Variants in NPAS3 observed in about 807,000 individuals in gnomAD.
NPAS3 encodes the protein neuronal PAS domain-containing protein 3.
In NPAS3, 14 loss-of-function variants were observed where a neutral mutation model predicts 73.1. The observed-to-expected ratio is 0.19, with a 90% CI of 0.13 to 0.30. The LOEUF (loss-of-function observed/expected upper bound fraction) is 0.30, where lower values mean the gene tolerates loss of function less well. NPAS3 is among the 10% of genes least tolerant of loss of function. The pLI is 1.00. For missense variants in NPAS3, 1,096 were observed against 1,250.0 expected (o/e 0.88, Z 1.86); for synonymous variants, 620 against 541.5 (o/e 1.14, Z -2.01).
At chr14:33,264,284 A>AG (rs71433603) in intron 3 of NPAS3, among the ~76,000 whole-genome samples, 2 of 146,888 alleles carry the variant, frequency 1.4e-5, no homozygotes, top group African/African-American at 2.5e-5. Context: ...GGGTAGGGGG[A>AG]GGGGGGAAGG....
chr14:33,121,628 C>G (rs555330239), intron 2 of NPAS3, among the ~76,000 whole-genome samples: 1 of 152,148 alleles, frequency 6.6e-6, no homozygotes, highest in African/African-American at 2.4e-5. Flanking sequence ...GTAAATCAGT[C>G]TCTGTCTCTC....
chr14:32,998,714 G>C (rs2038684007), intron 1 of NPAS3, among the ~76,000 whole-genome samples: 1 of 152,118 alleles, frequency 6.6e-6, no homozygotes, highest in Non-Finnish European at 1.5e-5. Flanking sequence ...AATAGTTGCT[G>C]TTGCCAAAAC....
intron 5 of NPAS3, among the ~76,000 whole-genome samples, chr14:33,644,620 A>T (rs1298598161): frequency 6.6e-6 from 1 of 152,206 alleles, no homozygotes; most frequent in Non-Finnish European, 1.5e-5. Context: ...AGGAATGAGC[A>T]TTAGGTATCT....
chr14:33,488,462 A>G (rs2051719984), intron 4 of NPAS3, among the ~76,000 whole-genome samples: 2 of 152,188 alleles, frequency 1.3e-5, no homozygotes, highest in Admixed American at 1.3e-4. Context: ...GTAGTCTGAG[A>G]GCGAGCCTAT....
chr14:32,999,492 C>G (rs1281066176), intron 1 of NPAS3, among the ~76,000 whole-genome samples: 2 of 149,934 alleles, frequency 1.3e-5, no homozygotes, highest in Non-Finnish European at 2.9e-5. Flanking sequence ...GCCTGGGTGA[C>G]AGTATGAGAT....
chr14:33,051,190 C>G (rs940270903), intron 1 of NPAS3, among the ~76,000 whole-genome samples: 1 of 148,982 alleles, frequency 6.7e-6, no homozygotes, highest in Non-Finnish European at 1.5e-5. Context: ...AGGAGAATGG[C>G]GTGAACCCAG....
intron 4 of NPAS3, among the ~76,000 whole-genome samples, chr14:33,522,651 C>T (rs2053607959): frequency 6.6e-6 from 1 of 152,042 alleles, no homozygotes. Context: ...ACATTTAAGA[C>T]TGTGTTAATT....
At chr14:33,603,550 A>C (rs891666392) in intron 5 of NPAS3, among the ~76,000 whole-genome samples, 3 of 152,220 alleles carry the variant, frequency 2.0e-5, no homozygotes, top group African/African-American at 7.2e-5. Flanking sequence ...GCTCACAATC[A>C]GTAATAAAGA....
At chr14:33,109,061 C>G (rs1422393190) in intron 2 of NPAS3, among the ~76,000 whole-genome samples, 1 of 152,000 alleles carries the variant, frequency 6.6e-6, no homozygotes, top group Non-Finnish European at 1.5e-5. Flanking sequence ...ATAAACTATT[C>G]CTAGTAATAA....
At position 33,316,800 on chromosome 14, in the gene NPAS3, G is replaced by A. The variant is rs913079222; in HGVS notation, c.386-50386G>A. Among the ~76,000 whole-genome samples, 5 of 152,162 alleles carry A rather than the reference G, an allele frequency of 3.3e-5. 1 individual carries two copies. The South Asian group carries it at 1.0e-3, about 32-fold the overall frequency. ...GTTGTGTGCTCTCCAATCTAAAACA[G>A]GAATCCCCTCTTTAGTACCCCCAGG... On this transcript the variant is annotated intron_variant, in intron 3 of 11. Coordinates refer to ENST00000356141, the Ensembl canonical transcript of NPAS3.
chr14:33,018,825 C>T (rs767447686), intron 1 of NPAS3, among the ~76,000 whole-genome samples: 1 of 151,914 alleles, frequency 6.6e-6, no homozygotes, highest in African/African-American at 2.4e-5. Context: ...GGGAAATCAT[C>T]GTGTTTAAAG....
intron 4 of NPAS3, among the ~76,000 whole-genome samples, chr14:33,518,849 G>A (rs1460522103): frequency 6.6e-6 from 1 of 151,760 alleles, no homozygotes; most frequent in African/African-American, 2.4e-5. Flanking sequence ...TACCACAGTG[G>A]AATCAACAGG....
chr14:33,011,870 A>G lies in NPAS3; in HGVS notation c.51-44035A>G, dbSNP rs55993572. ...GGTGTACTCTTGGTTTGTGGCAGAC[A>G]TGAATAAAAAATTCAGGTTTCGAAA... On this transcript the variant is annotated intron_variant, in intron 1 of 11. Coordinates refer to ENST00000356141, the Ensembl canonical transcript of NPAS3. Among the ~76,000 whole-genome samples the G allele has an allele frequency of 5.1e-4, 78 of 152,344 alleles. 1 individual carries two copies. The highest frequency in any genetic ancestry group is 1.7e-3 in the African/African-American group (72 of 41,574).
At chr14:33,613,464 T>C (rs541974211) in intron 5 of NPAS3, among the ~76,000 whole-genome samples, 67 of 152,296 alleles carry the variant, frequency 4.4e-4, no homozygotes, top group African/African-American at 1.6e-3. Flanking sequence ...TCATGTGTTC[T>C]CTGTGCCCTT....
intron 4 of NPAS3, among the ~76,000 whole-genome samples, chr14:33,546,447 C>T (rs1376233774): frequency 6.6e-6 from 1 of 152,182 alleles, no homozygotes; most frequent in Non-Finnish European, 1.5e-5. Flanking sequence ...TAAGTTTCTT[C>T]CAATCACTTG....
intron 2 of NPAS3, among the ~76,000 whole-genome samples, chr14:33,151,916 A>G (rs2044460112): frequency 6.6e-6 from 1 of 152,196 alleles, no homozygotes; most frequent in African/African-American, 2.4e-5. Flanking sequence ...GACTGAGCGT[A>G]TACAAGCATG....
At chr14:33,449,191 G>A (rs1223267122) in intron 4 of NPAS3, among the ~76,000 whole-genome samples, 1 of 150,670 alleles carries the variant, frequency 6.6e-6, no homozygotes, top group African/African-American at 2.5e-5. Flanking sequence ...TAAGGCAGAG[G>A]CTTAGGATGA....
intron 3 of NPAS3, among the ~76,000 whole-genome samples, chr14:33,360,730 G>A (rs902707209): frequency 6.6e-6 from 1 of 152,124 alleles, no homozygotes; most frequent in Non-Finnish European, 1.5e-5. Context: ...TTTAAAATTA[G>A]TAACAGCACT....
At chr14:33,657,749 A>G (rs2183273) in intron 5 of NPAS3, among the ~76,000 whole-genome samples, 1 of 151,898 alleles carries the variant, frequency 6.6e-6, no homozygotes, top group Non-Finnish European at 1.5e-5. Context: ...TTTTCACATA[A>G]AATTGTTCAA....
Sources: gnomAD v4.1 joint callset for allele counts (sites outside exome capture counted in the v4.1 genomes callset) on GRCh38, gnomAD v4.1.1 for gene constraint, MANE v1.5 for transcripts, NCBI Gene and HGNC (gene_info 2026-07-23, HGNC 2026-07-21) for gene names.